The following DAB1 variants were observed in gnomAD, a reference collection of about 807,000 sequenced individuals.
DAB1 encodes DAB adaptor protein 1.
Under a neutral mutation model 64.6 loss-of-function variants are expected in DAB1, and 15 were observed. That is an observed-to-expected ratio of 0.23 (90% CI 0.16 to 0.36). The LOEUF (loss-of-function observed/expected upper bound fraction) is 0.36, where lower values mean the gene tolerates loss of function less well. DAB1 is among the 10% of genes least tolerant of loss of function. DAB1 has a pLI of 1.00. For synonymous variants in DAB1, 235 were observed against 251.9 expected (o/e 0.93, Z 0.64); for missense variants, 596 against 706.7 (o/e 0.84, Z 1.78).
At chr1:57,930,568 T>C (rs187134479) in intron 5 of DAB1, among the ~76,000 whole-genome samples, 75 of 152,340 alleles carry the variant, frequency 4.9e-4, no homozygotes, top group African/African-American at 1.8e-3. Context: ...AGTTTTATAG[T>C]TTTTCTTATA....
chr1:58,106,297 C>T (rs1407991099), intron 5 of DAB1, among the ~76,000 whole-genome samples: 2 of 152,010 alleles, frequency 1.3e-5, no homozygotes, highest in Non-Finnish European at 2.9e-5. Context: ...CCTGCCTCAG[C>T]CTCTGAAGTA....
intron 7 of DAB1, among the ~76,000 whole-genome samples, chr1:57,561,319 C>G (rs1028924098): frequency 2.6e-5 from 4 of 152,172 alleles, no homozygotes; most frequent in African/African-American, 9.7e-5. Flanking sequence ...CAGTGAAGGG[C>G]AATCTTCCCA....
chr1:58,186,075 A>G (rs1657061256), intron 4 of DAB1, among the ~76,000 whole-genome samples: 1 of 152,244 alleles, frequency 6.6e-6, no homozygotes, highest in African/African-American at 2.4e-5. Flanking sequence ...CAGCCATTCA[A>G]GACTTCTAAA....
intron 6 of DAB1, among the ~76,000 whole-genome samples, chr1:57,798,395 C>A (rs1557486984): frequency 6.6e-6 from 1 of 151,992 alleles, no homozygotes; most frequent in Non-Finnish European, 1.5e-5. Context: ...GGTCAGGGAG[C>A]CAAAGACAGG....
chr1:57,540,304 C>T (rs755295623), intron 7 of DAB1, among the ~76,000 whole-genome samples: 25 of 152,006 alleles, frequency 1.6e-4, no homozygotes, highest in Non-Finnish European at 2.9e-4. Flanking sequence ...TAACAAATGC[C>T]GGCAAGGATG....
chr1:58,323,665 T>C (rs1662747916), intron 4 of DAB1, among the ~76,000 whole-genome samples: 1 of 152,032 alleles, frequency 6.6e-6, no homozygotes, highest in South Asian at 2.1e-4. Flanking sequence ...ATAATAAGAC[T>C]TAGCCGCACT....
chr1:57,314,502 A>G (rs1675016250), intron 1 of DAB1, among the ~76,000 whole-genome samples: 1 of 152,180 alleles, frequency 6.6e-6, no homozygotes, highest in Non-Finnish European at 1.5e-5. Context: ...GCAGTATTGA[A>G]TGCCAATCCC....
chr1:57,801,447 G>A (rs1418566060), intron 6 of DAB1, among the ~76,000 whole-genome samples: 1 of 152,104 alleles, frequency 6.6e-6, no homozygotes, highest in East Asian at 1.9e-4. Context: ...GGAATCTTAT[G>A]GAATACCATT....
At chr1:58,478,764 A>G (rs72669898) in intron 3 of DAB1, among the ~76,000 whole-genome samples, 4,304 of 152,274 alleles carry the variant, frequency 0.028, 101 homozygotes, top group Middle Eastern at 0.048. Flanking sequence ...ATTATAGAAA[A>G]GATCGGGTTG....
chr1:57,229,196 CT>C (rs34245893), intron 2 of DAB1, among the ~76,000 whole-genome samples: 4,853 of 139,968 alleles, frequency 0.035, 150 homozygotes, highest in East Asian at 0.087. Flanking sequence ...ACTTCTTCTT[CT>C]TTTTTTTTTT....
At chr1:58,084,889 T>TA (rs1417563876) in intron 5 of DAB1, among the ~76,000 whole-genome samples, 1 of 152,030 alleles carries the variant, frequency 6.6e-6, no homozygotes, top group African/African-American at 2.4e-5. Context: ...GAAGAAGTGA[T>TA]AATGGCTACT....
intron 5 of DAB1, among the ~76,000 whole-genome samples, chr1:58,079,613 C>A (rs964953748): frequency 6.7e-6 from 1 of 148,642 alleles, no homozygotes; most frequent in Admixed American, 6.8e-5. Context: ...ACCTCTGCCT[C>A]CCGGTTCAAG....
chr1:57,036,845 CTT>C (rs1193015572), intron 9 of DAB1, among the ~76,000 whole-genome samples: 1 of 152,174 alleles, frequency 6.6e-6, no homozygotes, highest in South Asian at 2.1e-4. Context: ...CCTATAATCT[CTT>C]TTCAAAACAG....
At chr1:58,483,510 G>A (rs879438795) in intron 3 of DAB1, among the ~76,000 whole-genome samples, 11 of 152,138 alleles carry the variant, frequency 7.2e-5, no homozygotes, top group Non-Finnish European at 1.0e-4. Context: ...ATTACTTAAC[G>A]TGAAATTCTT....
At chr1:57,677,993 T>C (rs997716804) in intron 6 of DAB1, among the ~76,000 whole-genome samples, 2 of 152,170 alleles carry the variant, frequency 1.3e-5, no homozygotes, top group South Asian at 2.1e-4. Context: ...TTAGAAAACA[T>C]TGATGTCTGG....
intron 7 of DAB1, among the ~76,000 whole-genome samples, chr1:57,638,257 T>TG (rs146963775): frequency 1.3e-5 from 2 of 152,364 alleles, no homozygotes; most frequent in African/African-American, 4.8e-5. Flanking sequence ...CATGGCATAT[T>TG]GTTACTTTTC....
At chr1:58,218,817 C>G (rs1413624992) in intron 4 of DAB1, among the ~76,000 whole-genome samples, 5 of 152,168 alleles carry the variant, frequency 3.3e-5, no homozygotes, top group Non-Finnish European at 7.3e-5. Flanking sequence ...AAGTCCATTT[C>G]CCCAACTTCC....
intron 7 of DAB1, among the ~76,000 whole-genome samples, chr1:57,465,518 C>A (rs1008789390): frequency 4.6e-5 from 7 of 152,194 alleles, no homozygotes; most frequent in African/African-American, 1.4e-4. Context: ...ATAAATTATT[C>A]TTGGATGACT....
intron 11 of DAB1, among the ~76,000 whole-genome samples, chr1:57,020,684 T>A (rs992041157): frequency 6.6e-6 from 1 of 152,228 alleles, no homozygotes; most frequent in Non-Finnish European, 1.5e-5. Flanking sequence ...TACAGCATAT[T>A]CTACACTAAA....
Sources: allele counts gnomAD v4.1 joint callset (sites outside exome capture counted in the v4.1 genomes callset), GRCh38; gene constraint gnomAD v4.1.1; transcripts MANE v1.5; gene names NCBI Gene and HGNC (gene_info 2026-07-23, HGNC 2026-07-21).